PRDX6: variants seen among roughly 807,000 people sequenced by gnomAD.
PRDX6 encodes peroxiredoxin-6.
In PRDX6, 13 loss-of-function variants were observed where a neutral mutation model predicts 20.0. The observed-to-expected ratio is 0.65, with a 90% CI of 0.42 to 1.03. PRDX6 has a LOEUF of 1.03. PRDX6 is among the 50% of genes least tolerant of loss of function. The probability of loss-of-function intolerance (pLI) is 0.00; values close to 1 mark genes in which losing one functional copy is unlikely to be tolerated. For synonymous variants in PRDX6, 85 were observed against 100.8 expected (o/e 0.84, Z 0.94); for missense variants, 203 against 276.9 (o/e 0.73, Z 1.89).
intron 2 of PRDX6, among the ~76,000 whole-genome samples, chr1:173,483,929 C>A (rs1301379871): frequency 1.3e-5 from 2 of 151,312 alleles, no homozygotes; most frequent in Non-Finnish European, 2.9e-5. Flanking sequence ...GGCGAAACCC[C>A]GTTTCTACTA....
chr1:173,487,856 A>G lies in PRDX6; in HGVS notation c.668A>G (p.Gln223Arg). ...SGKKYLRYTP[Q>R]P is the part of the protein sequence containing the mutation. ...AAGAAATACCTCCGCTACACACCCC[A>G]GCCTTAAGTCTCTTGGAGAAGCTGG... Residue 223 changes from glutamine to arginine, a missense_variant, in exon 5 of 5, where the codon CAG becomes CGG. Gln to Arg is a conservative substitution (Grantham distance 43, BLOSUM62 1). Transcript: ENST00000340385. The G allele has an allele frequency of 6.2e-7, 1 of 1,612,706 alleles. No homozygotes were observed. The highest frequency in any genetic ancestry group is 8.5e-7 in the Non-Finnish European group (1 of 1,179,996).
At chr1:173,481,028 A>C (rs1445854390) in intron 1 of PRDX6, among the ~76,000 whole-genome samples, 1 of 152,218 alleles carries the variant, frequency 6.6e-6, no homozygotes, top group Non-Finnish European at 1.5e-5. Flanking sequence ...TTAGCCAAAA[A>C]GGAGTCAGGG....
intron 4 of PRDX6, among the ~76,000 whole-genome samples, chr1:173,487,028 G>A (rs1010854363): frequency 6.6e-6 from 1 of 152,004 alleles, no homozygotes. Flanking sequence ...TGTACTTATT[G>A]AGCCCAGATA....
At chr1:173,483,834 G>T (rs1397631402) in intron 2 of PRDX6, among the ~76,000 whole-genome samples, 1 of 152,074 alleles carries the variant, frequency 6.6e-6, no homozygotes, top group Admixed American at 6.6e-5. Context: ...CGGGCACAGT[G>T]GCTCTCGCCT....
chr1:173,486,694 A>C (rs35605626), intron 4 of PRDX6, among the ~76,000 whole-genome samples: 163 of 152,202 alleles, frequency 1.1e-3, no homozygotes, highest in Non-Finnish European at 2.0e-3. Flanking sequence ...ATTTTATCTA[A>C]CCCTTCCCTG....
chr1:173,480,878 G>C (rs1571395871), intron 1 of PRDX6, among the ~76,000 whole-genome samples: 1 of 152,180 alleles, frequency 6.6e-6, no homozygotes, highest in East Asian at 1.9e-4. Context: ...TCAGGCATTT[G>C]TTTGGATTCA....
intron 1 of PRDX6, among the ~76,000 whole-genome samples, chr1:173,477,755 C>T (rs989559083): frequency 6.6e-6 from 1 of 152,236 alleles, no homozygotes; most frequent in Non-Finnish European, 1.5e-5. Context: ...CGTGGCTGGG[C>T]AAGGCCACGC....
intron 2 of PRDX6, 105 bp downstream of exon 2, chr1:173,481,587 A>G (rs2101857275): frequency 8.4e-7 from 1 of 1,189,354 alleles, no homozygotes; most frequent in Non-Finnish European, 1.2e-6. Context: ...CTTAGGTTCA[A>G]AGTTCACTAA....
chr1:173,485,349 C>T lies in PRDX6; in HGVS notation c.253-12C>T. ...GTTTAGATTCCTCTTTCCCCTTTTA[C>T]TTGTGTTTCAGGATATCAATGCTTA... On this transcript the variant is annotated splice_polypyrimidine_tract_variant and intron_variant, in intron 2 of 4. Transcript: ENST00000340385. 1 of 1,562,898 alleles carries T rather than the reference C, an allele frequency of 6.4e-7. No homozygotes were observed. Among genetic ancestry groups the T allele is most frequent in the Non-Finnish European group, 8.7e-7 (1 of 1,148,882 alleles).
At chr1:173,486,861 T>G (rs1472840528) in intron 4 of PRDX6, among the ~76,000 whole-genome samples, 1 of 152,240 alleles carries the variant, frequency 6.6e-6, no homozygotes, top group Non-Finnish European at 1.5e-5. Flanking sequence ...TCATAAACTT[T>G]TCATCTTTAG....
At chr1:173,484,135 AAATTAGATATATATAT>A (rs1658852163) in intron 2 of PRDX6, among the ~76,000 whole-genome samples, 1 of 122,670 alleles carries the variant, frequency 8.2e-6, no homozygotes, top group African/African-American at 4.7e-5. Flanking sequence ...AAAAAAAAAA[AAATTAGATATATATAT>A]TTATATATAT....
chr1:173,484,177 T>TAC (rs113530287), intron 2 of PRDX6, among the ~76,000 whole-genome samples: 2,127 of 103,890 alleles, frequency 0.02, 48 homozygotes, highest in African/African-American at 0.048. Flanking sequence ...TTTATATATA[T>TAC]ACACACACAC....
intron 2 of PRDX6, among the ~76,000 whole-genome samples, chr1:173,483,254 T>C (rs887592025): frequency 2.6e-5 from 4 of 152,176 alleles, no homozygotes; most frequent in Non-Finnish European, 4.4e-5. Flanking sequence ...TGTGATTACA[T>C]TGAATAGGAA....
intron 1 of PRDX6, 122 bp from the exon 2 acceptor site, chr1:173,481,204 C>A: frequency 1.0e-6 from 1 of 970,690 alleles, no homozygotes; most frequent in East Asian, 2.5e-5. Context: ...AAGTAAATAT[C>A]ATCATAAGCA....
chr1:173,478,166 C>T (rs1309623916), intron 1 of PRDX6, among the ~76,000 whole-genome samples: 2 of 152,216 alleles, frequency 1.3e-5, no homozygotes, highest in Admixed American at 1.3e-4. Flanking sequence ...AGAGCCGCCT[C>T]CAATGGCCAA....
intron 4 of PRDX6, 125 bp from the exon 5 acceptor site, chr1:173,487,610 G>A: frequency 9.4e-7 from 1 of 1,063,966 alleles, no homozygotes; most frequent in Non-Finnish European, 1.3e-6. Flanking sequence ...CCTCACAGAG[G>A]GGAGAGTAAA....
rs1264970646 is a variant in PRDX6, at chr1:173,481,257, A to G, written c.96-69A>G. 8 of 1,431,326 alleles carry G rather than the reference A, an allele frequency of 5.6e-6. No homozygotes were observed. In the East Asian group the frequency reaches 1.8e-4, roughly 33 times the overall value. 88.7% of individuals were successfully genotyped at this position (1,431,326 alleles called of 1,614,324 possible). ...GCCTGTTTTTGATCCAGAAGTTGTGACTTTTCATTCTCTGTGATGTTGGTG... is the reference window on the plus strand; with the variant it reads ...GCCTGTTTTTGATCCAGAAGTTGTGGCTTTTCATTCTCTGTGATGTTGGTG... On this transcript the variant is annotated intron_variant, in intron 1 of 4. Transcript: ENST00000340385.
chr1:173,480,345 G>C (rs1658780514), intron 1 of PRDX6, among the ~76,000 whole-genome samples: 1 of 152,164 alleles, frequency 6.6e-6, no homozygotes, highest in African/African-American at 2.4e-5. Context: ...GCTAGATTTA[G>C]TTATCTACTA....
intron 1 of PRDX6, among the ~76,000 whole-genome samples, chr1:173,480,991 T>G (rs1658791972): frequency 6.6e-6 from 1 of 152,208 alleles, no homozygotes; most frequent in African/African-American, 2.4e-5. Flanking sequence ...TTCAGTGAAC[T>G]ACTTGGCTTG....
Sources: gnomAD v4.1 joint callset for allele counts (sites outside exome capture counted in the v4.1 genomes callset) on GRCh38, gnomAD v4.1.1 for gene constraint, MANE v1.5 for transcripts, NCBI Gene and HGNC (gene_info 2026-07-23, HGNC 2026-07-21) for gene names.